The following POLD2 variants were observed in gnomAD, a reference collection of about 807,000 sequenced individuals.
POLD2 encodes the protein DNA polymerase delta subunit 2.
POLD2 carries 31 observed loss-of-function variants against 48.8 expected under a neutral mutation model. The ratio of observed to expected loss-of-function variants is 0.64; its 90% CI spans 0.48 to 0.86. POLD2 has a LOEUF of 0.86. Ranked by LOEUF, POLD2 falls within the 40% of genes least tolerant of loss-of-function variation. POLD2 has a pLI of 0.00. For missense variants in POLD2, 455 were observed against 610.1 expected (o/e 0.75, Z 2.68); for synonymous variants, 233 against 256.3 (o/e 0.91, Z 0.87).
At chr7:44,118,107 C>G (rs771015646) in intron 2 of POLD2, 43 bp from the exon 3 acceptor site, 2 of 1,606,378 alleles carry the variant, frequency 1.2e-6, no homozygotes. Context: ...AGTAGCCCCC[C>G]CGCCCGACAG....
chr7:44,117,504 T>C (rs998931871), intron 4 of POLD2, 115 bp downstream of exon 4: 7 of 1,308,972 alleles, frequency 5.3e-6, no homozygotes, highest in Non-Finnish European at 5.3e-6. Flanking sequence ...AGAACACACG[T>C]GTGCCCAGGC....
chr7:44,122,234 C>T, intron 1 of POLD2, 125 bp from the exon 2 acceptor site: 1 of 1,427,364 alleles, frequency 7.0e-7, no homozygotes, highest in Middle Eastern at 2.6e-4. Flanking sequence ...TGACACCAGA[C>T]ATTGTGTCCA....
Position 44,117,962 on chromosome 7 carries a change from AGGATGGAGGGCTGCAGC to A in POLD2, c.306_322del (p.Leu103AlafsTer17), listed in dbSNP as rs2096242917. The A allele has an allele frequency of 6.2e-7, 1 of 1,614,018 alleles. No individual in the cohort carries two copies. The highest frequency in any genetic ancestry group is 1.7e-5 in the Admixed American group (1 of 60,008). ...CCTCACCTCCTCGCTGACCTCCCGCAGGATGGAGGGCTGCAGCGGCATGGCCTTGAACAGAGTGCCCA... is the reference window on the plus strand; with the variant it reads ...CCTCACCTCCTCGCTGACCTCCCGCAGGCATGGCCTTGAACAGAGTGCCCA... On this transcript the variant is annotated frameshift_variant, in exon 3 of 11. Coordinates refer to ENST00000610533, the MANE Select transcript of POLD2 (RefSeq NM_006230.4). LOFTEE classifies it high-confidence loss of function.
rs2096237737 is a variant in POLD2 at position 44,115,653 on chromosome 7, ACAGTTCTCAGCAATGCTGGC to A, written c.1147+93_1147+112del. On this transcript the variant is annotated intron_variant, in intron 9 of 10. Transcript: ENST00000610533. ...GCCAAGCCTCTGAACTTCTCCTCAG[ACAGTTCTCAGCAATGCTGGC>A]AAGTGCAAACCCACAGGGGGACCCT... is the stretch of plus-strand genomic sequence containing the variant. 1.2e-5 allele frequency: 14 copies of A among 1,197,482 alleles called. No homozygotes were observed. The Admixed American group carries it at 3.7e-4, about 31-fold the overall frequency. The allele number at this position is 1,197,482 out of a possible 1,614,324, so 74.2% of individuals were successfully genotyped here. A position where few individuals can be genotyped will look rare whatever the true frequency, so the allele number is the denominator to read the frequency against.
chr7:44,115,952 A>T, intron 8 of POLD2, 59 bp from the exon 9 acceptor site: 1 of 1,612,270 alleles, frequency 6.2e-7, no homozygotes, highest in African/African-American at 1.3e-5. Context: ...TGGTCAGCCC[A>T]GAGCTCATCT....
rs1415943574 is a variant in POLD2 at position 44,114,956 on chromosome 7, G to A, written c.1250-11C>T. On this transcript the variant is annotated splice_polypyrimidine_tract_variant and intron_variant, in intron 10 of 10. Transcript: ENST00000610533. ...TCTGGTCCTCAGGACCTGCAAAGAAGTCACATAGGACCCACTGTAGGTTCC... is the reference window on the plus strand; with the variant it reads ...TCTGGTCCTCAGGACCTGCAAAGAAATCACATAGGACCCACTGTAGGTTCC... The A allele has an allele frequency of 6.3e-7, 1 of 1,598,056 alleles. No individual in the cohort carries two copies. Among genetic ancestry groups the A allele is most frequent in the African/African-American group, 1.3e-5 (1 of 74,624 alleles).
chr7:44,119,292 G>A (rs1034718781), intron 2 of POLD2, among the ~76,000 whole-genome samples: 4 of 152,124 alleles, frequency 2.6e-5, no homozygotes, highest in African/African-American at 2.4e-5. Context: ...TCCAGGCCTG[G>A]AGAAAACACC....
intron 4 of POLD2, 108 bp from the exon 5 acceptor site, chr7:44,117,355 A>C (rs2096241803): frequency 2.4e-6 from 2 of 821,226 alleles, no homozygotes; most frequent in Admixed American, 4.2e-5. Context: ...ACATTGGTGA[A>C]TTCTCACCTA....
chr7:44,121,738 G>C lies in POLD2; in HGVS notation c.220+96C>G. 8.4e-7 allele frequency: 1 copy of C among 1,191,830 alleles called. No individual in the cohort carries two copies. Among genetic ancestry groups the C allele is most frequent in the Non-Finnish European group, 1.2e-6 (1 of 854,806 alleles). 73.8% of individuals were successfully genotyped at this position (1,191,830 alleles called of 1,614,324 possible). On this transcript the variant is annotated intron_variant, in intron 2 of 10. Coordinates refer to ENST00000610533, the MANE Select transcript of POLD2 (RefSeq NM_006230.4). The surrounding 1 kb of genome is among the most constrained non-coding windows in gnomAD (Gnocchi z 4.5). Reference sequence around the variant, plus strand: ...GTTAATTTTCCCAAGGTAACAGGAAGTGGGATCAATTAGATAAACTGTTCC... The same window carrying C: ...GTTAATTTTCCCAAGGTAACAGGAACTGGGATCAATTAGATAAACTGTTCC...
upstream of POLD2, chr7:44,123,756 G>C: frequency 7.6e-7 from 1 of 1,310,686 alleles, no homozygotes; most frequent in African/African-American, 1.6e-5. Context: ...GCAGGCCGGC[G>C]CCGCGGGTCT....
Position 44,116,648 on chromosome 7 carries a change from G to A in POLD2, c.781-138C>T. ...TCAAGCCTCCCACCATCCTCAGCGA[G>A]GGCCTGGGCATGAGGAGCCCCATTG... On this transcript the variant is annotated intron_variant, in intron 6 of 10. Coordinates refer to ENST00000610533, the MANE Select transcript of POLD2 (RefSeq NM_006230.4). The surrounding 1 kb of genome is among the most constrained non-coding windows in gnomAD (Gnocchi z 6.1). 2 of 1,004,662 alleles carry A rather than the reference G, an allele frequency of 2.0e-6. No individual in the cohort carries two copies. The highest frequency in any genetic ancestry group is 3.0e-6 in the Non-Finnish European group (2 of 671,090). 62.2% of individuals were successfully genotyped at this position (1,004,662 alleles called of 1,614,324 possible).
In POLD2 at chr7:44,116,722, C is replaced by T. The variant is rs531207870; in HGVS notation, c.780+95G>A. 49 of 1,381,352 alleles carry T rather than the reference C, an allele frequency of 3.5e-5. No individual in the cohort carries two copies. In the South Asian group the frequency reaches 5.0e-4, roughly 14 times the overall value. The allele number at this position is 1,381,352 out of a possible 1,614,324, so 85.6% of individuals were successfully genotyped here. ...GGGCGCTTCCCACCGACCTGCGAGA[C>T]CTCACAGGGTACCCTACTCGCCCTG... On this transcript the variant is annotated intron_variant, in intron 6 of 10. Coordinates refer to ENST00000610533, the MANE Select transcript of POLD2 (RefSeq NM_006230.4). The surrounding 1 kb of genome is among the most constrained non-coding windows in gnomAD (Gnocchi z 6.1).
Position 44,116,487 on chromosome 7 carries a change from G to C in POLD2, c.804C>G (p.Thr268=). The change falls in exon 7 of 11, where the codon ACC becomes ACG. Residue 268 remains threonine (T), a synonymous_variant. Coordinates refer to ENST00000610533, the MANE Select transcript of POLD2 (RefSeq NM_006230.4). The surrounding 1 kb of genome is among the most constrained non-coding windows in gnomAD (Gnocchi z 6.1). ...TAACAGCCTCCACGCTGGCTGCCTG[G>C]GTTTTCTTGGTGAGGTATTTGGCCT... ...INKAKYLTKK[T]QAASVEAVKM... 3.8e-6 allele frequency: 6 copies of C among 1,581,402 alleles called. No homozygotes were observed. Among genetic ancestry groups the C allele is most frequent in the Non-Finnish European group, 5.2e-6 (6 of 1,162,902 alleles).
upstream of POLD2, chr7:44,123,570 C>T (rs1434972293): frequency 2.7e-6 from 4 of 1,468,402 alleles, 1 homozygote; most frequent in South Asian, 5.2e-5. Flanking sequence ...CGCCGCAACT[C>T]GCTAATCCCC....
Position 44,115,382 on chromosome 7 carries a change from A to G in POLD2, c.1162T>C (p.Tyr388His), listed in dbSNP as rs1442845318. 6.2e-7 allele frequency: 1 copy of G among 1,611,928 alleles called. No homozygotes were observed. The change falls in exon 10 of 11, where the codon TAC (tyrosine) becomes CAC (histidine). Residue 388 changes from tyrosine to histidine, a missense_variant. By Grantham distance (83) the Tyr-to-His change is moderately conservative. Around this residue, in one of 3 missense-constraint regions of POLD2, gnomAD observed 98 missense variants for 138.6 expected, o/e 0.71. Transcript: ENST00000610533. ...GGGAAGATGAACGGGTCAGTTTTGT[A>G]GAAGGGGTAACAACCTGGAGGAGAA... ...APDTLGCYPFYKTDPFIFPEC... is the reference protein window; with the variant it reads ...APDTLGCYPFHKTDPFIFPEC...
chr7:44,118,304 A>G, intron 2 of POLD2: 1 of 439,272 alleles, frequency 2.3e-6, no homozygotes. Context: ...TCATGAGAAC[A>G]GAGAGACAGA....
chr7:44,123,454 C>A, intron 1 of POLD2, 57 bp downstream of exon 1: 2 of 1,493,278 alleles, frequency 1.3e-6, no homozygotes, highest in South Asian at 1.2e-5. Flanking sequence ...AGGAGCCCGG[C>A]CTCGCGGCCT....
Position 44,117,253 on chromosome 7 carries a change from G to C in POLD2, c.467-6C>G. 1.9e-6 allele frequency: 3 copies of C among 1,607,730 alleles called. No homozygotes were observed. Among genetic ancestry groups the C allele is most frequent in the Non-Finnish European group, 2.6e-6 (3 of 1,174,720 alleles). ...AAACACAGCCAGGACAGTCCCTGGG[G>C]AGCAGTGGCATCAGGCCTGAGCAGG... is the stretch of plus-strand genomic sequence containing the variant. On this transcript the variant is annotated splice_polypyrimidine_tract_variant and splice_region_variant and intron_variant, in intron 4 of 10. Coordinates refer to ENST00000610533, the MANE Select transcript of POLD2 (RefSeq NM_006230.4).
rs144958436 is a variant in POLD2, at chr7:44,117,949, G to A, written c.336C>T (p.Ser112=). ...GTGTAGCACCCTGCCTCACCTCCTC[G>A]CTGACCTCCCGCAGGATGGAGGGCT... ...PLQPSILREV[S]EEHNLLPQPP... Residue 112 remains serine (S), a synonymous_variant, in exon 3 of 11, where the codon AGC becomes AGT. Transcript: ENST00000610533. 2.4e-4 allele frequency: 384 copies of A among 1,613,980 alleles called. 2 individuals are homozygous for A. In the African/African-American group the frequency reaches 4.3e-3, roughly 18 times the overall value.
Sources: allele counts gnomAD v4.1 joint callset (sites outside exome capture counted in the v4.1 genomes callset), GRCh38; gene constraint gnomAD v4.1.1; regional missense constraint gnomAD v4.1.1; non-coding constraint Gnocchi (gnomAD v3.1); transcripts MANE v1.5; gene names NCBI Gene and HGNC (gene_info 2026-07-23, HGNC 2026-07-21).